Variants in DIS3L observed in about 807,000 individuals in gnomAD.
The protein encoded by DIS3L is DIS3 like exosome 3'-5' exoribonuclease, also known as DIS3-like exonuclease 1.
In DIS3L, 100 loss-of-function variants were observed where a neutral mutation model predicts 120.3. The ratio of observed to expected loss-of-function variants is 0.83; its 90% CI spans 0.71 to 0.98. The LOEUF (loss-of-function observed/expected upper bound fraction) is 0.98. Ranked by LOEUF, DIS3L falls within the 50% of genes least tolerant of loss-of-function variation. The probability of loss-of-function intolerance (pLI) is 0.00; values close to 1 mark genes in which losing one functional copy is unlikely to be tolerated. For synonymous variants in DIS3L, 426 were observed against 470.6 expected (o/e 0.91, Z 1.23); for missense variants, 1,196 against 1,314.2 (o/e 0.91, Z 1.39).
chr15:66,295,141 G>C lies in DIS3L; in HGVS notation c.293G>C (p.Arg98Thr), dbSNP rs76770477. The C allele has an allele frequency of 1.9e-6, 3 of 1,612,986 alleles. No homozygotes were observed. Among genetic ancestry groups the C allele is most frequent in the Non-Finnish European group, 1.7e-6 (2 of 1,179,634 alleles). ...CQAVQHQRGR[R>T]QYNKLRNLLK... ...GCTGTGCAGCATCAAAGAGGCAGGA[G>C]GTATACGTTTTGCATTCTTTATTTC... The change falls in exon 2 of 17, where the codon AGA becomes ACA. Residue 98 changes from arginine to threonine, a missense_variant and splice_region_variant. Coordinates refer to ENST00000319212, the MANE Select transcript of DIS3L (RefSeq NM_001143688.3).
At chr15:66,312,995 T>G (rs2092777544) in intron 5 of DIS3L, among the ~76,000 whole-genome samples, 1 of 151,958 alleles carries the variant, frequency 6.6e-6, no homozygotes, top group South Asian at 2.1e-4. Flanking sequence ...TTTAATTTAT[T>G]TTTTTATTTT....
At chr15:66,325,136 A>G (rs1262324888) in intron 11 of DIS3L, among the ~76,000 whole-genome samples, 7 of 152,204 alleles carry the variant, frequency 4.6e-5, no homozygotes, top group Admixed American at 4.6e-4. Flanking sequence ...GCTCACGCCT[A>G]TAATCCTAGC....
At chr15:66,319,952 T>TA (rs34195061) in intron 8 of DIS3L, among the ~76,000 whole-genome samples, 1,693 of 108,058 alleles carry the variant, frequency 0.016, 35 homozygotes, top group African/African-American at 0.055. Context: ...CCATTTCTAC[T>TA]AAAAAAAAAA....
intron 8 of DIS3L, among the ~76,000 whole-genome samples, chr15:66,319,763 G>A (rs1460871289): frequency 1.3e-5 from 2 of 151,924 alleles, no homozygotes; most frequent in Non-Finnish European, 2.9e-5. Context: ...TGGAATTTTG[G>A]GGTAGTGGGG....
Position 66,329,255 on chromosome 15 carries a change from T to G in DIS3L, c.2391T>G (p.Ser797=). The G allele has an allele frequency of 1.9e-6, 3 of 1,609,168 alleles. No individual in the cohort carries two copies. Among genetic ancestry groups the G allele is most frequent in the Non-Finnish European group, 2.5e-6 (3 of 1,178,014 alleles). The change falls in exon 14 of 17, where the codon TCT becomes TCG. Residue 797 remains serine (S), a synonymous_variant. Transcript: ENST00000319212. ...TAGATAAATATACCCACTTTACTTCTCCAATAAGAAGATATTCAGATATTG... is the reference window on the plus strand; with the variant it reads ...TAGATAAATATACCCACTTTACTTCGCCAATAAGAAGATATTCAGATATTG... ...LALDKYTHFT[S]PIRRYSDIVV...
At chr15:66,323,069 T>G in intron 10 of DIS3L, 135 bp downstream of exon 10, 1 of 1,038,228 alleles carries the variant, frequency 9.6e-7, no homozygotes, top group Non-Finnish European at 1.4e-6. Flanking sequence ...AAAGTTGAGG[T>G]CCACTCTCCA....
intron 9 of DIS3L, among the ~76,000 whole-genome samples, chr15:66,321,489 C>T (rs976605412): frequency 2.0e-5 from 3 of 152,104 alleles, no homozygotes; most frequent in Admixed American, 1.3e-4. Context: ...GTAGGCCAGG[C>T]GTGGTGGCTC....
chr15:66,296,721 A>G (rs1291885473), intron 2 of DIS3L, among the ~76,000 whole-genome samples: 1 of 151,998 alleles, frequency 6.6e-6, no homozygotes, highest in Non-Finnish European at 1.5e-5. Flanking sequence ...ATGGGGTTTC[A>G]CCATGTTGGT....
At position 66,322,977 on chromosome 15, in the gene DIS3L, C is replaced by T. The variant is rs557162694; in HGVS notation, c.1574+43C>T. On this transcript the variant is annotated intron_variant, in intron 10 of 16. Transcript: ENST00000319212. ...CAGCTCTATGGTTGTGTGTATGTGA[C>T]TGGATATTTTGTGTCTGTACTAGTT... The T allele has an allele frequency of 7.8e-4, 1,247 of 1,603,756 alleles. 19 individuals are homozygous for T. In the South Asian group the frequency reaches 0.013, roughly 17 times the overall value.
intron 5 of DIS3L, among the ~76,000 whole-genome samples, chr15:66,312,776 A>G (rs1370483917): frequency 6.6e-6 from 1 of 152,214 alleles, no homozygotes; most frequent in Admixed American, 6.5e-5. Context: ...CCACCACCAC[A>G]ATCAAGATAC....
chr15:66,309,093 A>AT lies in DIS3L; in HGVS notation c.558+249_558+250insT, dbSNP rs1355315813. ...CCTTGTCTCTACAGAAAAAAAAAAA[A>AT]AATATATATATCTCCAAGCATGGTG... On this transcript the variant is annotated intron_variant, in intron 4 of 16. Transcript: ENST00000319212. 7.5e-5 allele frequency among the ~76,000 whole-genome samples: 7 copies of AT among 93,872 alleles called. 2 individuals carry two copies. Among genetic ancestry groups the AT allele is most frequent in the African/African-American group, 1.5e-4 (4 of 26,752 alleles). The allele number at this position is 93,872 out of a possible 152,430, so 61.6% of individuals were successfully genotyped here.
chr15:66,318,642 A>G (rs755692258), intron 8 of DIS3L, 24 bp downstream of exon 8: 104 of 1,610,300 alleles, frequency 6.5e-5, no homozygotes, highest in Non-Finnish European at 8.7e-5. Context: ...TACCTCTACT[A>G]TGGGATCTCT....
At chr15:66,303,693 C>T (rs957118383) in intron 2 of DIS3L, among the ~76,000 whole-genome samples, 1 of 152,116 alleles carries the variant, frequency 6.6e-6, no homozygotes, top group African/African-American at 2.4e-5. Flanking sequence ...CTTATGAAAT[C>T]ACTCCAAAAA....
rs2140394553 is a variant in DIS3L, at chr15:66,323,553, A to G, written c.1635A>G (p.Ala545=). 1 of 1,614,214 alleles carries G rather than the reference A, an allele frequency of 6.2e-7. No individual in the cohort carries two copies. The highest frequency in any genetic ancestry group is 1.6e-4 in the Middle Eastern group (1 of 6,062). ...RYDMLPSVLS[A]DLCSLLGGVD... ...ACATGCTGCCTTCCGTCCTCAGTGC[A>G]GATTTGTGTTCCCTTCTGGGAGGCG... Residue 545 remains alanine (A), a synonymous_variant, in exon 11 of 17, where the codon GCA becomes GCG. Coordinates refer to ENST00000319212, the MANE Select transcript of DIS3L (RefSeq NM_001143688.3).
At chr15:66,295,790 G>T (rs1308575548) in intron 2 of DIS3L, among the ~76,000 whole-genome samples, 1 of 152,184 alleles carries the variant, frequency 6.6e-6, no homozygotes, top group Admixed American at 6.5e-5. Context: ...GTTGGGAAAG[G>T]TTTATGACTT....
chr15:66,331,732 C>T (rs946531126), intron 14 of DIS3L, 143 bp from the exon 15 acceptor site: 9 of 939,680 alleles, frequency 9.6e-6, no homozygotes, highest in South Asian at 6.5e-5. Flanking sequence ...TAAGTTCCCA[C>T]AAAAAGTAAT....
At chr15:66,296,517 T>C (rs1347170669) in intron 2 of DIS3L, among the ~76,000 whole-genome samples, 1 of 151,208 alleles carries the variant, frequency 6.6e-6, no homozygotes, top group East Asian at 1.9e-4. Context: ...GAAGTCTTTT[T>C]TTTTTTTTTT....
chr15:66,332,667 A>C, intron 15 of DIS3L, 69 bp from the exon 16 acceptor site: 1 of 1,384,694 alleles, frequency 7.2e-7, no homozygotes, highest in Non-Finnish European at 9.8e-7. Flanking sequence ...CTAGTATTCT[A>C]GATAAGCATA....
intron 8 of DIS3L, among the ~76,000 whole-genome samples, chr15:66,320,080 C>T (rs1329200074): frequency 6.6e-6 from 1 of 151,770 alleles, no homozygotes; most frequent in African/African-American, 2.4e-5. Context: ...GCCAAGATAG[C>T]ACCACTGCAT....
Sources: gnomAD v4.1 joint callset for allele counts (sites outside exome capture counted in the v4.1 genomes callset) on GRCh38, gnomAD v4.1.1 for gene constraint, MANE v1.5 for transcripts, NCBI Gene and HGNC (gene_info 2026-07-23, HGNC 2026-07-21) for gene names.